TENM1: variants seen among roughly 807,000 people sequenced by gnomAD.
TENM1 encodes the protein teneurin-1.
A neutral mutation model predicts 174.8 loss-of-function variants in TENM1; 35 were observed. The ratio of observed to expected loss-of-function variants is 0.20; its 90% CI spans 0.15 to 0.27. The LOEUF (loss-of-function observed/expected upper bound fraction) is 0.27, where lower values mean the gene tolerates loss of function less well. Among genes scored for constraint, TENM1 ranks in the 10% least tolerant of loss-of-function variants. The probability of loss-of-function intolerance (pLI) is 1.00; values close to 1 mark genes in which losing one functional copy is unlikely to be tolerated. For missense variants in TENM1, 1,633 were observed against 2,130.1 expected (o/e 0.77, Z 4.59); for synonymous variants, 781 against 798.7 (o/e 0.98, Z 0.37).
At chrX:125,053,363 T>C in the TENM1 span, among the ~76,000 whole-genome samples, 1 of 112,285 alleles carries the variant, frequency 8.9e-6, no homozygotes, top group South Asian at 3.7e-4. Flanking sequence ...AGCAAGTTAT[T>C]GAGCCTCATT....
chrX:124,940,229 G>T (rs1423198799), intron 1 of TENM1, among the ~76,000 whole-genome samples: 2 of 111,626 alleles, frequency 1.8e-5, no homozygotes, highest in Non-Finnish European at 3.8e-5. Flanking sequence ...CAAAGTCCTT[G>T]CTTAGGATTC....
At chrX:124,481,703 A>ATATATATC in intron 22 of TENM1, 29 bp downstream of exon 25, 1 of 350,982 alleles carries the variant, frequency 2.8e-6, no homozygotes, top group Non-Finnish European at 4.7e-6. Flanking sequence ...GGGTATATAT[A>ATATATATC]TATATATATT....
chrX:124,594,724 A>G (rs1389663732), intron 11 of TENM1, among the ~76,000 whole-genome samples: 1 of 112,401 alleles, frequency 8.9e-6, no homozygotes, highest in Non-Finnish European at 1.9e-5. Flanking sequence ...TACGTAGTCC[A>G]CAAAACTAAT....
At chrX:124,674,493 TAA>T (rs754004815) in intron 5 of TENM1, among the ~76,000 whole-genome samples, 27 of 110,568 alleles carry the variant, frequency 2.4e-4, no homozygotes, top group African/African-American at 8.5e-4. Context: ...TAGTTGGAGC[TAA>T]AGAGATTTCT....
intron 11 of TENM1, among the ~76,000 whole-genome samples, chrX:124,591,558 C>T (rs1304472133): frequency 3.6e-5 from 4 of 111,903 alleles, no homozygotes; most frequent in Non-Finnish European, 7.5e-5. Flanking sequence ...CCCCTAATCT[C>T]TCCTGGCTTG....
intron 21 of TENM1, 137 bp downstream of exon 24, chrX:124,487,072 G>T: frequency 1.7e-6 from 1 of 595,976 alleles, no homozygotes; most frequent in Non-Finnish European, 2.6e-6. Context: ...ACTTACCTGA[G>T]TTATAACTTC....
chrX:124,864,840 A>G (rs1468570786), intron 3 of TENM1, among the ~76,000 whole-genome samples: 5 of 110,815 alleles, frequency 4.5e-5, no homozygotes, highest in Non-Finnish European at 9.5e-5. Context: ...AGGTCAAGGG[A>G]AAAAAAGGAT....
intron 30 of TENM1, among the ~76,000 whole-genome samples, chrX:124,383,233 C>A (rs1006596797): frequency 9.0e-6 from 1 of 111,106 alleles, no homozygotes; most frequent in Non-Finnish European, 1.9e-5. Flanking sequence ...GTGTGAGCCA[C>A]CGCACCCAGC....
In TENM1 at chrX:124,508,842, T is replaced by C. The variant is rs554450563; in HGVS notation, c.3302-5139A>G. ...TACCTGGGCACTGCCCTCCTCTCTC[T>C]GGGCAGACCCACCATTCCATTATAT... On this transcript the variant is annotated intron_variant, in intron 18 of 31. Coordinates refer to ENST00000422452, the Ensembl canonical transcript of TENM1. Among the ~76,000 whole-genome samples the C allele has an allele frequency of 3.6e-4, 40 of 111,884 alleles. No individual in the cohort carries two copies. The South Asian group carries it at 0.015, about 42-fold the overall frequency.
In TENM1 at chrX:124,547,166, GA is replaced by G. The variant is rs1371086578; in HGVS notation, c.2435-77del. 6.3e-6 allele frequency: 5 copies of G among 795,701 alleles called. No homozygotes were observed. The Admixed American group carries it at 1.6e-4, about 25-fold the overall frequency. 65.6% of individuals were successfully genotyped at this position (795,701 alleles called of 1,213,427 possible). A position where few individuals can be genotyped will look rare whatever the true frequency, so the allele number is the denominator to read the frequency against. On this transcript the variant is annotated intron_variant, in intron 14 of 31. Coordinates refer to ENST00000422452, the Ensembl canonical transcript of TENM1. The stretch of plus-strand genomic sequence containing the variant: ...ATATAGTTTAAAATATACATAAATG[GA>G]GAAAATTCTAAAATATAGCCAAAGA...
chrX:124,737,668 G>A lies in TENM1; in HGVS notation c.536-471C>T, dbSNP rs140966456. 3.3e-3 allele frequency among the ~76,000 whole-genome samples: 373 copies of A among 112,159 alleles called. 3 individuals carry two copies. Among genetic ancestry groups the A allele is most frequent in the African/African-American group, 0.012 (356 of 30,906 alleles). On this transcript the variant is annotated intron_variant, in intron 3 of 31. Transcript: ENST00000422452. ...CACCTTCTGGCTTACCTCAGGAAAGGATGTGAGCTTGCCTATACGGGAGCA... is the reference window on the plus strand; with the variant it reads ...CACCTTCTGGCTTACCTCAGGAAAGAATGTGAGCTTGCCTATACGGGAGCA...
At chrX:124,464,363 T>C (rs1027901427) in intron 22 of TENM1, among the ~76,000 whole-genome samples, 1 of 111,996 alleles carries the variant, frequency 8.9e-6, no homozygotes, top group East Asian at 2.8e-4. Flanking sequence ...AAGCAGGATA[T>C]GAGGAATTAA....
chrX:125,159,637 A>G, the TENM1 span, among the ~76,000 whole-genome samples: 5 of 112,457 alleles, frequency 4.4e-5, no homozygotes, highest in African/African-American at 1.6e-4. Flanking sequence ...CAAATAATGT[A>G]TCAAATGTAA....
At chrX:124,946,677 C>A (rs1438859895) in intron 1 of TENM1, among the ~76,000 whole-genome samples, 1 of 111,371 alleles carries the variant, frequency 9.0e-6, no homozygotes, top group African/African-American at 3.3e-5. Context: ...GAATTTAGCA[C>A]CATGGAGACC....
chrX:125,035,132 T>C, the TENM1 span, among the ~76,000 whole-genome samples: 1 of 111,527 alleles, frequency 9.0e-6, no homozygotes, highest in African/African-American at 3.3e-5. Flanking sequence ...GTAAAATAAA[T>C]GGAATTTACT....
At chrX:124,941,990 C>T (rs2047422872) in intron 1 of TENM1, among the ~76,000 whole-genome samples, 1 of 111,368 alleles carries the variant, frequency 9.0e-6, no homozygotes, top group Admixed American at 9.5e-5. Flanking sequence ...TTATTCACTG[C>T]CATGAGAATA....
chrX:124,535,710 CTG>C (rs886893873), intron 15 of TENM1, among the ~76,000 whole-genome samples: 2 of 112,168 alleles, frequency 1.8e-5, no homozygotes, highest in African/African-American at 6.5e-5. Flanking sequence ...AGGGCAAAAA[CTG>C]TGTGATTTTC....
chrX:124,896,202 C>A lies in TENM1; in HGVS notation c.257G>T (p.Gly86Val), dbSNP rs1374270971. 8.3e-7 allele frequency: 1 copy of A among 1,209,141 alleles called. No individual in the cohort carries two copies. The highest frequency in any genetic ancestry group is 1.1e-6 in the Non-Finnish European group (1 of 894,735). The stretch of plus-strand genomic sequence containing the variant: ...AACGCTGTGCATGTCTGTTTGGTAG[C>A]CAGAGCACAGAGTGTGAGAGGTTTC... The change falls in exon 2 of 32, where the codon GGC (glycine) becomes GTC (valine). Residue 86 changes from glycine to valine, a missense_variant. Coordinates refer to ENST00000422452, the Ensembl canonical transcript of TENM1.
intron 14 of TENM1, among the ~76,000 whole-genome samples, chrX:124,560,203 G>GTGTT (rs1451064423): frequency 2.0e-5 from 2 of 100,156 alleles, no homozygotes; most frequent in Non-Finnish European, 3.9e-5. Context: ...GTGTGTGTGT[G>GTGTT]TGTGTGTGTG....
Sources: gnomAD v4.1 joint callset for allele counts (sites outside exome capture counted in the v4.1 genomes callset) on GRCh38, gnomAD v4.1.1 for gene constraint, MANE v1.5 for transcripts, NCBI Gene and HGNC (gene_info 2026-07-23, HGNC 2026-07-21) for gene names.